GABPB2: variants seen among roughly 807,000 people sequenced by gnomAD.
GABPB2 encodes GA-binding protein subunit beta-2.
In GABPB2, 23 loss-of-function variants were observed where a neutral mutation model predicts 39.1. The observed-to-expected ratio is 0.59, with a 90% CI of 0.42 to 0.83. The LOEUF is 0.83. GABPB2 is among the 40% of genes least tolerant of loss of function. The pLI is 0.00. For synonymous variants in GABPB2, 184 were observed against 199.3 expected (o/e 0.92, Z 0.65); for missense variants, 467 against 541.1 (o/e 0.86, Z 1.36).
chr1:151,092,960 C>T (rs1272160752), intron 3 of GABPB2, among the ~76,000 whole-genome samples: 1 of 152,034 alleles, frequency 6.6e-6, no homozygotes, highest in Non-Finnish European at 1.5e-5. Context: ...CTCTCTTTGT[C>T]TTCCATCTGT....
intron 1 of GABPB2, among the ~76,000 whole-genome samples, chr1:151,084,211 T>C (rs1233773983): frequency 6.6e-6 from 1 of 151,706 alleles, no homozygotes; most frequent in East Asian, 1.9e-4. Flanking sequence ...TGTGCCCAGC[T>C]GTTTTTTTTT....
Position 151,118,088 on chromosome 1 carries a change from C to A in GABPB2, c.1179C>A (p.Ala393=), listed in dbSNP as rs1185360344. 4.3e-6 allele frequency: 7 copies of A among 1,614,130 alleles called. No homozygotes were observed. Among genetic ancestry groups the A allele is most frequent in the Non-Finnish European group, 5.9e-6 (7 of 1,180,032 alleles). The change falls in exon 9 of 9, where the codon GCC becomes GCA. Residue 393 remains alanine, a synonymous_variant. Transcript: ENST00000368918. ...ACCGTCTTAAGCTGGAGGCCATAGC[C>A]CGACAGCAGCCCAATGGAGTTGATT... The part of the protein sequence containing the change: ...EQYRLKLEAI[A]RQQPNGVDFT...
intron 2 of GABPB2, 151 bp downstream of exon 2, chr1:151,088,448 T>C (rs587679176): frequency 1.5e-6 from 2 of 1,370,558 alleles, no homozygotes; most frequent in South Asian, 2.6e-5. Context: ...CATCTGAATA[T>C]GTGGTTTTCT....
intron 7 of GABPB2, 59 bp downstream of exon 7, chr1:151,107,281 A>G (rs1680043155): frequency 1.1e-5 from 13 of 1,158,156 alleles, no homozygotes; most frequent in African/African-American, 1.6e-5. Context: ...CTCCATACTC[A>G]CCTAAAAATG....
intron 1 of GABPB2, among the ~76,000 whole-genome samples, chr1:151,071,153 G>A (rs192663118): frequency 1.3e-4 from 20 of 152,120 alleles, no homozygotes; most frequent in Non-Finnish European, 2.4e-4. Context: ...GGTGAAGAAG[G>A]GGGTGGGTGT....
intron 2 of GABPB2, among the ~76,000 whole-genome samples, chr1:151,089,629 T>C (rs1004354297): frequency 6.6e-6 from 1 of 152,166 alleles, no homozygotes; most frequent in Non-Finnish European, 1.5e-5. Flanking sequence ...CTACCCTTTT[T>C]CTTTTTTAAA....
chr1:151,097,875 T>G lies in GABPB2; in HGVS notation c.495T>G (p.Asn165Lys). 1 of 1,614,022 alleles carries G rather than the reference T, an allele frequency of 6.2e-7. No homozygotes were observed. Among genetic ancestry groups the G allele is most frequent in the Non-Finnish European group, 8.5e-7 (1 of 1,179,980 alleles). The change falls in exon 5 of 9, where the codon AAT (asparagine) becomes AAG (lysine). Residue 165 changes from asparagine to lysine, a missense_variant. Asn to Lys is a moderately conservative substitution (Grantham distance 94). Coordinates refer to ENST00000368918, the MANE Select transcript of GABPB2 (RefSeq NM_144618.3). ...AGGAAGCAATGCAGAATCAGGTGAA[T>G]GTTAATCCAGAGAGAGCCAACCCTG... ...ILQEAMQNQV[N>K]VNPERANPVT...
Position 151,119,398 on chromosome 1 carries a change from G to C in GABPB2, c.*1142G>C, listed in dbSNP as rs921132834. 2.6e-5 allele frequency: 4 copies of C among 152,028 alleles called. No homozygotes were observed. Among genetic ancestry groups the C allele is most frequent in the African/African-American group, 9.7e-5 (4 of 41,362 alleles). 9.4% of individuals were successfully genotyped at this position (152,028 alleles called of 1,614,324 possible). On this transcript the variant is annotated 3_prime_UTR_variant, in exon 9 of 9. Coordinates refer to ENST00000368918, the MANE Select transcript of GABPB2 (RefSeq NM_144618.3). ...CCGAGGCGGGCGGATCACGAGGTCA[G>C]ATCAAGAACATCCTGGCTAACACGG...
intron 4 of GABPB2, among the ~76,000 whole-genome samples, chr1:151,095,831 C>T (rs1679057434): frequency 6.6e-6 from 1 of 151,998 alleles, no homozygotes; most frequent in Non-Finnish European, 1.5e-5. Flanking sequence ...GTCAGGACTT[C>T]AAGACCAGCC....
intron 1 of GABPB2, among the ~76,000 whole-genome samples, chr1:151,086,752 C>T (rs890183700): frequency 6.6e-6 from 1 of 152,040 alleles, no homozygotes; most frequent in African/African-American, 2.4e-5. Context: ...ACTGCAACCT[C>T]CACCTCCTGA....
intron 1 of GABPB2, among the ~76,000 whole-genome samples, chr1:151,077,275 CACTTTCTG>C (rs1220680356): frequency 3.3e-5 from 5 of 151,626 alleles, no homozygotes; most frequent in African/African-American, 7.3e-5. Context: ...TAAAGAGTGT[CACTTTCTG>C]ACTTTCTGAC....
Position 151,117,409 on chromosome 1 carries a change from G to C in GABPB2, c.940G>C (p.Gly314Arg), listed in dbSNP as rs62621412. The C allele has an allele frequency of 0.033, 53,604 of 1,613,156 alleles. 1,958 individuals carry two copies. The highest frequency in any genetic ancestry group is 0.17 in the African/African-American group (12,766 of 74,908). ...ACTTGTAGTTCTAACTGTACCTGCT[G>C]GTAAGGTTGCAGAGGAGACTGTAAT... ...DGQQVLTVPA[G>R]KVAEETVIKE... Residue 314 changes from glycine to arginine, a missense_variant, in exon 8 of 9, where the codon GGT becomes CGT. Coordinates refer to ENST00000368918, the MANE Select transcript of GABPB2 (RefSeq NM_144618.3).
At chr1:151,086,583 T>C (rs1447844256) in intron 1 of GABPB2, among the ~76,000 whole-genome samples, 1 of 152,138 alleles carries the variant, frequency 6.6e-6, no homozygotes, top group Non-Finnish European at 1.5e-5. Context: ...TAAAAAGGCA[T>C]CAGGGACCAC....
chr1:151,116,503 GAATT>G (rs1409802394), intron 7 of GABPB2, among the ~76,000 whole-genome samples: 1 of 152,024 alleles, frequency 6.6e-6, no homozygotes, highest in Non-Finnish European at 1.5e-5. Context: ...TATGAGAAGA[GAATT>G]AATTTAGGTA....
chr1:151,109,553 G>A (rs1481374085), intron 7 of GABPB2, among the ~76,000 whole-genome samples: 2 of 151,192 alleles, frequency 1.3e-5, no homozygotes, highest in African/African-American at 4.9e-5. Context: ...TAGAGACGGG[G>A]TTTCACTATG....
Position 151,122,858 on chromosome 1 carries a change from G to C in GABPB2, c.*4602G>C, listed in dbSNP as rs920022474. On this transcript the variant is annotated 3_prime_UTR_variant, in exon 9 of 9. Coordinates refer to ENST00000368918, the MANE Select transcript of GABPB2 (RefSeq NM_144618.3). Reference sequence around the variant, plus strand: ...GGCTAGGGTAGAGAGGGAGAGAATGGAGGTATCTGAAAATAAGTAAGAAAA... The same window carrying C: ...GGCTAGGGTAGAGAGGGAGAGAATGCAGGTATCTGAAAATAAGTAAGAAAA... The C allele has an allele frequency of 1.3e-5, 2 of 152,034 alleles. No individual in the cohort carries two copies. The highest frequency in any genetic ancestry group is 1.5e-5 in the Non-Finnish European group (1 of 68,018). 9.4% of individuals were successfully genotyped at this position (152,034 alleles called of 1,614,324 possible). A position where few individuals can be genotyped will look rare whatever the true frequency, so the allele number is the denominator to read the frequency against.
At chr1:151,081,419 G>A (rs1001343542) in intron 1 of GABPB2, among the ~76,000 whole-genome samples, 2 of 151,892 alleles carry the variant, frequency 1.3e-5, no homozygotes, top group Non-Finnish European at 2.9e-5. Flanking sequence ...AACACTGGAG[G>A]CGGAGGTTGC....
intron 1 of GABPB2, among the ~76,000 whole-genome samples, chr1:151,084,827 C>T (rs920526403): frequency 2.0e-5 from 3 of 151,902 alleles, no homozygotes; most frequent in Non-Finnish European, 4.4e-5. Context: ...AGCCACCGCG[C>T]CCAGCCAGCT....
At chr1:151,075,563 CAAAAAAAAAAAAA>C (rs35110350) in intron 1 of GABPB2, among the ~76,000 whole-genome samples, 4 of 44,270 alleles carry the variant, frequency 9.0e-5, no homozygotes, top group Non-Finnish European at 1.2e-4. Flanking sequence ...GACTTTGTCT[CAAAAAAAAAAAAA>C]AAAAAAAAAA....
Sources: gnomAD v4.1 joint callset for allele counts (sites outside exome capture counted in the v4.1 genomes callset) on GRCh38, gnomAD v4.1.1 for gene constraint, MANE v1.5 for transcripts, NCBI Gene and HGNC (gene_info 2026-07-23, HGNC 2026-07-21) for gene names.